Variants in MROH9 observed in about 807,000 individuals in gnomAD.
The protein encoded by MROH9 is maestro heat like repeat family member 9, also known as maestro heat-like repeat-containing protein family member 9.
A neutral mutation model predicts 98.2 loss-of-function variants in MROH9; 92 were observed. The observed-to-expected ratio is 0.94, with a 90% confidence interval of 0.79 to 1.11. The LOEUF is 1.11. MROH9 is among the 50% of genes most tolerant of loss of function. The pLI, the probability that MROH9 is intolerant of heterozygous loss-of-function variation, is 0.00. For synonymous variants in MROH9, 397 were observed against 368.9 expected, an observed-to-expected ratio of 1.08 and a Z score of -0.87; for missense variants, 1,057 against 1,014.8, an observed-to-expected ratio of 1.04 and a Z score of -0.57.
chr1:170,996,581 A>G lies in MROH9; in HGVS notation c.1412A>G (p.Glu471Gly), dbSNP rs1651578956. 1 of 1,613,622 alleles carries G rather than the reference A, an allele frequency of 6.2e-7. No individual in the cohort carries two copies. Among genetic ancestry groups the G allele is most frequent in the South Asian group, 1.1e-5 (1 of 91,064 alleles). ...CAGGTGGATATTACTCTAATGAAGG[A>G]GAATTTCTGGGACCAGTTATCTGAA... Reference protein sequence around the residue: ...LQQVDITLMKENFWDQLSEDL... With the variant: ...LQQVDITLMKGNFWDQLSEDL... The change falls in exon 14 of 22, where the codon GAG becomes GGG. Residue 471 changes from glutamate to glycine, a missense_variant. Glu to Gly is a moderately conservative substitution (Grantham distance 98, BLOSUM62 -2). Coordinates refer to ENST00000367759, the MANE Select transcript of MROH9 (RefSeq NM_001163629.2).
intron 20 of MROH9, among the ~76,000 whole-genome samples, chr1:171,036,151 A>G (rs1432311244): frequency 6.6e-6 from 1 of 152,136 alleles, no homozygotes; most frequent in African/African-American, 2.4e-5. Flanking sequence ...AATTCCATTG[A>G]TATAAAACAC....
Position 171,064,083 on chromosome 1 carries a change from T to C in MROH9, c.2345-16T>C. On this transcript the variant is annotated splice_polypyrimidine_tract_variant and intron_variant, in intron 21 of 21. Transcript: ENST00000367759. ...GAAAGAGATAACTTGAACTAAAGTC[T>C]CTTCTGATATTACAGTTATTGAACG... 6.6e-7 allele frequency: 1 copy of C among 1,521,644 alleles called. No homozygotes were observed. The highest frequency in any genetic ancestry group is 8.8e-7 in the Non-Finnish European group (1 of 1,138,702). 94.3% of individuals were successfully genotyped at this position (1,521,644 alleles called of 1,614,324 possible).
chr1:171,047,340 G>A (rs1219181178), intron 20 of MROH9, among the ~76,000 whole-genome samples: 1 of 151,938 alleles, frequency 6.6e-6, no homozygotes, highest in Non-Finnish European at 1.5e-5. Flanking sequence ...GATCTTGTAG[G>A]CATGCTTCAT....
intron 7 of MROH9, among the ~76,000 whole-genome samples, chr1:170,970,727 T>TGAGA (rs1460980153): frequency 3.4e-3 from 422 of 124,302 alleles, no homozygotes; most frequent in African/African-American, 0.012. Flanking sequence ...TGTGTGTGTG[T>TGAGA]GTGTGAGAGA....
intron 11 of MROH9, among the ~76,000 whole-genome samples, chr1:170,991,495 T>C (rs571913023): frequency 2.0e-5 from 3 of 152,198 alleles, no homozygotes; most frequent in African/African-American, 7.2e-5. Flanking sequence ...CCAGTATGAA[T>C]TGGCAAGGTA....
chr1:170,996,005 G>A (rs879040082), intron 13 of MROH9, among the ~76,000 whole-genome samples: 1 of 152,100 alleles, frequency 6.6e-6, no homozygotes, highest in Non-Finnish European at 1.5e-5. Context: ...TTATGACTAC[G>A]TGCAGTTGTC....
At chr1:171,045,027 A>T (rs1571164417) in intron 20 of MROH9, among the ~76,000 whole-genome samples, 1 of 61,206 alleles carries the variant, frequency 1.6e-5, no homozygotes, top group African/African-American at 6.0e-5. Context: ...TTTGAGATGG[A>T]GTCTCGCTCT....
At position 170,983,524 on chromosome 1, in the gene MROH9, A is replaced by C. The variant is rs1651012785; in HGVS notation, c.719A>C (p.Lys240Thr). The change falls in exon 9 of 22, where the codon AAA becomes ACA. Residue 240 changes from lysine to threonine, a missense_variant. By Grantham distance (78) the Lys-to-Thr change is moderately conservative. Transcript: ENST00000367759. ...LPKEFQQDES[K>T]IAQRVGQTLL... ...AAGGAGTTTCAACAAGACGAAAGTA[A>C]AATAGCTCAGGTAACTTAGCCCCCA... The C allele has an allele frequency of 3.1e-6, 5 of 1,603,376 alleles. No homozygotes were observed. Among genetic ancestry groups the C allele is most frequent in the Non-Finnish European group, 4.3e-6 (5 of 1,170,866 alleles).
chr1:170,978,520 C>A (rs1015314469), intron 8 of MROH9, among the ~76,000 whole-genome samples: 4 of 152,060 alleles, frequency 2.6e-5, no homozygotes, highest in Non-Finnish European at 5.9e-5. Flanking sequence ...AAGGGCTAGA[C>A]TCCTTTTCCT....
At chr1:171,011,442 A>T (rs958330350) in intron 15 of MROH9, among the ~76,000 whole-genome samples, 1 of 149,724 alleles carries the variant, frequency 6.7e-6, no homozygotes, top group Non-Finnish European at 1.5e-5. Context: ...ATGCATTATT[A>T]CCAGTCTCCC....
At chr1:171,033,297 T>C (rs1459849737) in intron 20 of MROH9, among the ~76,000 whole-genome samples, 1 of 152,244 alleles carries the variant, frequency 6.6e-6, no homozygotes, top group Non-Finnish European at 1.5e-5. Context: ...CTGGTCGCCC[T>C]TCACCCCAGG....
chr1:171,040,751 G>A (rs1272734603), intron 20 of MROH9, among the ~76,000 whole-genome samples: 1 of 152,032 alleles, frequency 6.6e-6, no homozygotes, highest in Non-Finnish European at 1.5e-5. Flanking sequence ...ACTCAGGAGA[G>A]TGTCTAGCAT....
chr1:171,047,493 T>G (rs1052459750), intron 20 of MROH9, among the ~76,000 whole-genome samples: 1 of 152,250 alleles, frequency 6.6e-6, no homozygotes, highest in African/African-American at 2.4e-5. Flanking sequence ...CCAGAATTTC[T>G]GCTTGATTCT....
intron 1 of MROH9, among the ~76,000 whole-genome samples, chr1:170,937,932 A>T (rs571378696): frequency 6.6e-6 from 1 of 152,176 alleles, no homozygotes; most frequent in Non-Finnish European, 1.5e-5. Context: ...GTGATCCATA[A>T]AGGTCTGGGT....
chr1:170,955,666 G>T (rs1184465536), intron 3 of MROH9, among the ~76,000 whole-genome samples: 1 of 151,822 alleles, frequency 6.6e-6, no homozygotes, highest in East Asian at 1.9e-4. Context: ...TGATAAGATT[G>T]TTTTTTTCTT....
Position 170,999,268 on chromosome 1 carries a change from A to G in MROH9, c.1596+994A>G, listed in dbSNP as rs528869851. On this transcript the variant is annotated intron_variant, in intron 15 of 21. Coordinates refer to ENST00000367759, the MANE Select transcript of MROH9 (RefSeq NM_001163629.2). The stretch of plus-strand genomic sequence containing the variant: ...GAGATTTTGATGCACCCATCACCTG[A>G]GCAGCATACACTGCACAATATTTGT... Among the ~76,000 whole-genome samples the G allele has an allele frequency of 2.1e-4, 32 of 152,152 alleles. 1 individual carries two copies. The South Asian group carries it at 6.2e-3, about 30-fold the overall frequency.
intron 1 of MROH9, among the ~76,000 whole-genome samples, chr1:170,940,226 C>T (rs1006230021): frequency 3.9e-5 from 6 of 152,224 alleles, no homozygotes; most frequent in Non-Finnish European, 8.8e-5. Flanking sequence ...ATGCTCCACA[C>T]TACTGGACCC....
intron 2 of MROH9, among the ~76,000 whole-genome samples, chr1:170,946,231 C>T (rs967696711): frequency 6.6e-5 from 10 of 151,812 alleles, no homozygotes; most frequent in Non-Finnish European, 1.3e-4. Flanking sequence ...GACAGGCAGG[C>T]ATTCACTCTG....
intron 15 of MROH9, among the ~76,000 whole-genome samples, chr1:171,000,610 T>C (rs1258871554): frequency 6.6e-6 from 1 of 152,132 alleles, no homozygotes; most frequent in African/African-American, 2.4e-5. Flanking sequence ...TGGTGGATTA[T>C]CTTTCTGATT....
Sources: gnomAD v4.1 joint callset for allele counts (sites outside exome capture counted in the v4.1 genomes callset) on GRCh38, gnomAD v4.1.1 for gene constraint, MANE v1.5 for transcripts, NCBI Gene and HGNC (gene_info 2026-07-23, HGNC 2026-07-21) for gene names.